RXFP2: variants seen among roughly 807,000 people sequenced by gnomAD.
The protein encoded by RXFP2 is relaxin family peptide receptor 2.
In RXFP2, 68 loss-of-function variants were observed where a neutral mutation model predicts 88.6. The observed-to-expected ratio is 0.77, with a 90% CI of 0.63 to 0.94. The LOEUF (loss-of-function observed/expected upper bound fraction) is 0.94. RXFP2 is among the 40% of genes least tolerant of loss of function. The pLI is 0.00. For synonymous variants in RXFP2, 329 were observed against 306.8 expected (o/e 1.07, Z -0.76); for missense variants, 791 against 893.9 (o/e 0.88, Z 1.47).
intron 1 of RXFP2, among the ~76,000 whole-genome samples, chr13:31,750,746 A>T (rs965959267): frequency 3.3e-5 from 5 of 152,240 alleles, no homozygotes; most frequent in African/African-American, 1.2e-4. Context: ...TTAGTGTCAA[A>T]ATGGATGACA....
chr13:31,780,711 A>AGGGAATGT (rs767473208), intron 9 of RXFP2, among the ~76,000 whole-genome samples: 1 of 152,208 alleles, frequency 6.6e-6, no homozygotes, highest in Non-Finnish European at 1.5e-5. Flanking sequence ...TTGCTCAAAG[A>AGGGAATGT]GGGAATGTCA....
chr13:31,745,882 C>T (rs1871390359), intron 1 of RXFP2, among the ~76,000 whole-genome samples: 1 of 152,102 alleles, frequency 6.6e-6, no homozygotes, highest in Non-Finnish European at 1.5e-5. Context: ...CATACAGACA[C>T]CAGAGATCTG....
intron 1 of RXFP2, among the ~76,000 whole-genome samples, chr13:31,749,470 C>CA (rs1488724474): frequency 6.6e-6 from 1 of 152,168 alleles, no homozygotes; most frequent in Admixed American, 6.5e-5. Flanking sequence ...CATTCCTACA[C>CA]ACATACTCCT....
At chr13:31,761,282 T>C (rs1360834335) in intron 2 of RXFP2, among the ~76,000 whole-genome samples, 1 of 152,130 alleles carries the variant, frequency 6.6e-6, no homozygotes, top group African/African-American at 2.4e-5. Flanking sequence ...TTGCTTTTGC[T>C]TTATTAAAAA....
rs181809277 is a variant in RXFP2, at chr13:31,778,615, T to C, written c.785+32T>C. On this transcript the variant is annotated intron_variant, in intron 9 of 17. Transcript: ENST00000298386. ...ATTTATTTAGGAATTAATTTGTTAT[T>C]TGCCCTGATTAAGGAAACTAGCCAT... The C allele has an allele frequency of 6.3e-6, 9 of 1,432,356 alleles. No homozygotes were observed. The East Asian group carries it at 1.6e-4, about 25-fold the overall frequency. The allele number at this position is 1,432,356 out of a possible 1,614,324, so 88.7% of individuals were successfully genotyped here.
intron 17 of RXFP2, among the ~76,000 whole-genome samples, chr13:31,798,070 G>A (rs1874139864): frequency 1.3e-5 from 2 of 152,226 alleles, no homozygotes; most frequent in East Asian, 1.9e-4. Context: ...TGGAATCATC[G>A]TCAACCTACT....
Position 31,786,473 on chromosome 13 carries a change from C to T in RXFP2, c.1001+19C>T, listed in dbSNP as rs375718091. The T allele has an allele frequency of 1.9e-6, 3 of 1,582,550 alleles. No individual in the cohort carries two copies. In the African/African-American group the frequency reaches 4.0e-5, roughly 21 times the overall value. ...AAAAGCTGTAAGTTCTACTTCTCAC[C>T]ATAATCAGATTTAAAGGGCAATATT... On this transcript the variant is annotated intron_variant, in intron 12 of 17. Coordinates refer to ENST00000298386, the MANE Select transcript of RXFP2 (RefSeq NM_130806.5).
intron 14 of RXFP2, 127 bp from the exon 15 acceptor site, chr13:31,791,679 A>C: frequency 1.4e-6 from 1 of 716,626 alleles, no homozygotes; most frequent in South Asian, 1.6e-5. Flanking sequence ...TATAAACACT[A>C]CTAAACAAAA....
chr13:31,776,118 C>CTTTCTTTCT, intron 7 of RXFP2, among the ~76,000 whole-genome samples: 1 of 139,308 alleles, frequency 7.2e-6, no homozygotes, highest in Non-Finnish European at 1.6e-5. Flanking sequence ...TTCTTTCTTT[C>CTTTCTTTCT]TTTCTTTCTT....
intron 1 of RXFP2, among the ~76,000 whole-genome samples, chr13:31,754,051 C>G (rs1008123430): frequency 3.3e-5 from 5 of 152,194 alleles, no homozygotes; most frequent in Admixed American, 1.3e-4. Context: ...AGGTTCTATT[C>G]GTACATGTTC....
intron 3 of RXFP2, among the ~76,000 whole-genome samples, chr13:31,764,438 T>C (rs1872457705): frequency 1.3e-5 from 2 of 152,234 alleles, no homozygotes; most frequent in African/African-American, 4.8e-5. Context: ...GATAGATCTT[T>C]GGTTATTTCA....
chr13:31,778,519 G>T lies in RXFP2; in HGVS notation c.721G>T (p.Val241Phe). 1 of 1,604,924 alleles carries T rather than the reference G, an allele frequency of 6.2e-7. No individual in the cohort carries two copies. Among genetic ancestry groups the T allele is most frequent in the Non-Finnish European group, 8.5e-7 (1 of 1,171,858 alleles). Residue 241 changes from valine to phenylalanine, a missense_variant, in exon 9 of 18, where the codon GTT becomes TTT. Coordinates refer to ENST00000298386, the MANE Select transcript of RXFP2 (RefSeq NM_130806.5). ...GLNSLFFLSM[V>F]NNYLEALPKQ... Reference sequence around the variant, plus strand: ...CATTTTCTTTGTGTAAAGGTCTATGGTTAATAACTACTTAGAAGCTCTTCC... The same window carrying T: ...CATTTTCTTTGTGTAAAGGTCTATGTTTAATAACTACTTAGAAGCTCTTCC...
chr13:31,767,938 G>T (rs1217360907), intron 5 of RXFP2, among the ~76,000 whole-genome samples: 2 of 152,152 alleles, frequency 1.3e-5, no homozygotes, highest in African/African-American at 4.8e-5. Context: ...AAGCAGGAGG[G>T]TTAAAATTAG....
intron 5 of RXFP2, among the ~76,000 whole-genome samples, chr13:31,771,375 C>T (rs1872729207): frequency 6.6e-6 from 1 of 152,144 alleles, no homozygotes; most frequent in Admixed American, 6.6e-5. Context: ...TAGATTCTCA[C>T]CGTAGTGTGA....
In RXFP2 at chr13:31,796,038, C is replaced by CTTTTTTTTTTTTTTTTTT. The variant is rs776535132; in HGVS notation, c.1787-1151_1787-1134dup. 8.1e-5 allele frequency among the ~76,000 whole-genome samples: 3 copies of CTTTTTTTTTTTTTTTTTT among 36,966 alleles called. 1 individual carries two copies. The highest frequency in any genetic ancestry group is 2.4e-4 in the African/African-American group (2 of 8,200). The allele number at this position is 36,966 out of a possible 152,430, so 24.3% of individuals were successfully genotyped here. A position where few individuals can be genotyped will look rare whatever the true frequency, so the allele number is the denominator to read the frequency against. ...ATACATTTTTGTTCTATGTGTTATT[C>CTTTTTTTTTTTTTTTTTT]TTTTTTTTTTTTTTTTTTTTTTTTT... On this transcript the variant is annotated intron_variant, in intron 16 of 17. Coordinates refer to ENST00000298386, the MANE Select transcript of RXFP2 (RefSeq NM_130806.5).
chr13:31,797,200 G>A lies in RXFP2; in HGVS notation c.1787-1G>A. The A allele has an allele frequency of 6.2e-7, 1 of 1,604,036 alleles. No homozygotes were observed. The highest frequency in any genetic ancestry group is 8.5e-7 in the Non-Finnish European group (1 of 1,170,854). ...TGTTAAAAGTGTGCTTTTCCCAACA[G>A]GTGTGAACTTGCTGGCTTTTCTCAT... On this transcript the variant is annotated splice_acceptor_variant, in intron 16 of 17. Coordinates refer to ENST00000298386, the MANE Select transcript of RXFP2 (RefSeq NM_130806.5). LOFTEE classifies it high-confidence loss of function.
chr13:31,763,343 C>G (rs1013171040), intron 3 of RXFP2, among the ~76,000 whole-genome samples: 6 of 152,072 alleles, frequency 3.9e-5, no homozygotes, highest in Non-Finnish European at 7.4e-5. Flanking sequence ...TCTCAGCCCC[C>G]CAAAGTGTTG....
At chr13:31,779,186 T>A (rs1593463349) in intron 9 of RXFP2, among the ~76,000 whole-genome samples, 1 of 149,936 alleles carries the variant, frequency 6.7e-6, no homozygotes, top group Admixed American at 6.7e-5. Context: ...AGTGCAGTGG[T>A]GCGATCTCGG....
intron 16 of RXFP2, among the ~76,000 whole-genome samples, chr13:31,793,851 G>T (rs889136392): frequency 6.6e-6 from 1 of 151,884 alleles, no homozygotes; most frequent in Non-Finnish European, 1.5e-5. Flanking sequence ...TTCAAAATTT[G>T]CTTCTGCTTC....
Sources: allele counts gnomAD v4.1 joint callset (sites outside exome capture counted in the v4.1 genomes callset), GRCh38; gene constraint gnomAD v4.1.1; transcripts MANE v1.5; gene names NCBI Gene and HGNC (gene_info 2026-07-23, HGNC 2026-07-21).